CELF2: variants seen among roughly 807,000 people sequenced by gnomAD.
CELF2 encodes the protein CUGBP Elav-like family member 2.
Under a neutral mutation model 62.6 loss-of-function variants are expected in CELF2, and 8 were observed. The observed-to-expected ratio is 0.13, with a 90% CI of 0.07 to 0.23. CELF2 has a LOEUF of 0.23. CELF2 is among the 10% of genes least tolerant of loss of function. The pLI, the probability that CELF2 is intolerant of heterozygous loss-of-function variation, is 1.00. For missense variants in CELF2, 333 were observed against 671.0 expected, an observed-to-expected ratio of 0.50 and a Z score of 5.56; for synonymous variants, 258 against 250.0, an observed-to-expected ratio of 1.03 and a Z score of -0.30.
chr10:11,018,844 T>A (rs1381181161), intron 1 of CELF2: 1 of 152,248 alleles, frequency 6.6e-6, no homozygotes, highest in Non-Finnish European at 1.5e-5. Flanking sequence ...GATTTAATAT[T>A]TGCAAAGATC....
At chr10:10,780,612 C>T in the CELF2 span, among the ~76,000 whole-genome samples, 10 of 152,304 alleles carry the variant, frequency 6.6e-5, no homozygotes, top group East Asian at 1.7e-3. Flanking sequence ...TCCCAAGTAG[C>T]TGGGATTACA....
At chr10:10,786,578 C>A in the CELF2 span, 1 of 151,958 alleles carries the variant, frequency 6.6e-6, no homozygotes, top group African/African-American at 2.4e-5. Context: ...TCTGCTATTA[C>A]AAGTTTGCTG....
the CELF2 span, among the ~76,000 whole-genome samples, chr10:10,613,440 C>T: frequency 6.6e-6 from 1 of 152,166 alleles, no homozygotes; most frequent in Non-Finnish European, 1.5e-5. Context: ...ATCTCATTGG[C>T]ATGCGGAATC....
At chr10:11,009,953 C>T (rs753601136) in intron 1 of CELF2, among the ~76,000 whole-genome samples, 7 of 152,244 alleles carry the variant, frequency 4.6e-5, no homozygotes, top group Admixed American at 6.5e-5. Flanking sequence ...GGCAGCATCA[C>T]GGGCTTCTAG....
chr10:11,205,666 T>G (rs1163353596), intron 2 of CELF2, among the ~76,000 whole-genome samples: 1 of 152,196 alleles, frequency 6.6e-6, no homozygotes, highest in African/African-American at 2.4e-5. Flanking sequence ...CAGCATCACT[T>G]TGAAAACTGT....
intron 2 of CELF2, among the ~76,000 whole-genome samples, chr10:10,958,055 G>T (rs1451218012): frequency 6.6e-6 from 1 of 152,170 alleles, no homozygotes; most frequent in Non-Finnish European, 1.5e-5. Flanking sequence ...AGTGAGTCTA[G>T]CAGAAAGCTC....
intron 1 of CELF2, among the ~76,000 whole-genome samples, chr10:11,155,965 A>G (rs957326426): frequency 1.3e-5 from 2 of 152,252 alleles, no homozygotes; most frequent in African/African-American, 2.4e-5. Context: ...GATAGATGAT[A>G]AAATGAATAA....
At chr10:10,491,851 T>C in the CELF2 span, among the ~76,000 whole-genome samples, 3 of 152,190 alleles carry the variant, frequency 2.0e-5, no homozygotes, top group Non-Finnish European at 4.4e-5. Context: ...TTAACTGCAT[T>C]TGTTGTTACA....
chr10:11,235,967 A>G (rs1471332333), intron 3 of CELF2, among the ~76,000 whole-genome samples: 4 of 152,198 alleles, frequency 2.6e-5, no homozygotes, highest in African/African-American at 4.8e-5. Flanking sequence ...ATGGAAAAAG[A>G]TTGCTGAGTG....
the CELF2 span, among the ~76,000 whole-genome samples, chr10:10,492,231 C>A: frequency 2.0e-5 from 3 of 152,196 alleles, no homozygotes; most frequent in African/African-American, 7.2e-5. Context: ...CATCTCTAAT[C>A]CGTTTGCACA....
At chr10:10,698,480 CT>C in the CELF2 span, among the ~76,000 whole-genome samples, 2 of 152,196 alleles carry the variant, frequency 1.3e-5, no homozygotes, top group African/African-American at 4.8e-5. Context: ...ATGTAACATT[CT>C]TTTCTTTGCT....
In CELF2 at chr10:11,165,451, G is replaced by C; in HGVS notation, c.75-35G>C. 2 of 1,582,730 alleles carry C rather than the reference G, an allele frequency of 1.3e-6. No homozygotes were observed. Among genetic ancestry groups the C allele is most frequent in the Non-Finnish European group, 8.6e-7 (1 of 1,161,716 alleles). On this transcript the variant is annotated intron_variant, in intron 1 of 12. Transcript: ENST00000633077. The surrounding 1 kb of genome is among the most constrained non-coding windows in gnomAD (Gnocchi z 7.4). ...TTTTCTTCCTGTCCCTCATCGTGCCGCCCTAACTCTGGCTCCCGGTTCCGT... is the reference window on the plus strand; with the variant it reads ...TTTTCTTCCTGTCCCTCATCGTGCCCCCCTAACTCTGGCTCCCGGTTCCGT...
the CELF2 span, among the ~76,000 whole-genome samples, chr10:10,467,825 C>T: frequency 1.3e-5 from 2 of 151,826 alleles, no homozygotes; most frequent in African/African-American, 4.8e-5. Context: ...TTCAAGGGGA[C>T]TTCAAGAAGG....
rs773165459 is a variant in CELF2 at position 11,334,084 on chromosome 10, A to G, written c.*5031A>G. On this transcript the variant is annotated 3_prime_UTR_variant, in exon 13 of 13. Coordinates refer to ENST00000633077, the MANE Select transcript of CELF2 (RefSeq NM_001326342.2). Reference sequence around the variant, plus strand: ...AGCATTAGAATTTTGTCTTAAAATAACAGCGGTAAGTTTCACTTTTTATTC... The same window carrying G: ...AGCATTAGAATTTTGTCTTAAAATAGCAGCGGTAAGTTTCACTTTTTATTC... 2.9e-4 allele frequency: 44 copies of G among 152,672 alleles called. No individual in the cohort carries two copies. Among genetic ancestry groups the G allele is most frequent in the Non-Finnish European group, 5.4e-4 (37 of 68,040 alleles). 9.5% of individuals were successfully genotyped at this position (152,672 alleles called of 1,614,324 possible).
rs1056395842 is a variant in CELF2 at position 11,300,779 on chromosome 10, C to T, written c.976+12227C>T. Among the ~76,000 whole-genome samples the T allele has an allele frequency of 1.3e-5, 2 of 152,150 alleles. No homozygotes were observed. The highest frequency in any genetic ancestry group is 2.9e-5 in the Non-Finnish European group (2 of 68,038). Reference sequence around the variant, plus strand: ...AGCTCGTTTGAGGCAAAACGGCGACCGCGGGCTCCAGTGTCCTGAGTATGT... The same window carrying T: ...AGCTCGTTTGAGGCAAAACGGCGACTGCGGGCTCCAGTGTCCTGAGTATGT... On this transcript the variant is annotated intron_variant, in intron 9 of 12. Transcript: ENST00000633077. This position sits in a 1 kb window ranked among gnomAD's most constrained non-coding sequence, Gnocchi z 5.5.
the CELF2 span, among the ~76,000 whole-genome samples, chr10:10,578,573 T>C: frequency 6.6e-6 from 1 of 152,222 alleles, no homozygotes; most frequent in African/African-American, 2.4e-5. Context: ...TTATCGTATA[T>C]CAGAGGAATA....
intron 1 of CELF2, among the ~76,000 whole-genome samples, chr10:11,101,146 T>G (rs2051501514): frequency 6.6e-6 from 1 of 152,170 alleles, no homozygotes; most frequent in Non-Finnish European, 1.5e-5. Context: ...GACTCTTGGA[T>G]TTCTTACTGG....
intron 2 of CELF2, among the ~76,000 whole-genome samples, chr10:11,169,501 G>A (rs1459336144): frequency 6.6e-6 from 1 of 152,218 alleles, no homozygotes; most frequent in Non-Finnish European, 1.5e-5. Flanking sequence ...GAAGTGCAGG[G>A]CAATTTCTGG....
intron 2 of CELF2, among the ~76,000 whole-genome samples, chr10:10,952,937 G>A (rs1440380232): frequency 7.2e-5 from 11 of 152,154 alleles, no homozygotes. Flanking sequence ...AAGGGCTCAG[G>A]TTTGCTTGTA....
Sources: allele counts gnomAD v4.1 joint callset (sites outside exome capture counted in the v4.1 genomes callset), GRCh38; gene constraint gnomAD v4.1.1; non-coding constraint Gnocchi (gnomAD v3.1); transcripts MANE v1.5; gene names NCBI Gene and HGNC (gene_info 2026-07-23, HGNC 2026-07-21).